PTPRN2: variants seen among roughly 807,000 people sequenced by gnomAD.
PTPRN2 encodes protein tyrosine phosphatase receptor type N2, also known as receptor-type tyrosine-protein phosphatase N2.
Under a neutral mutation model 118.8 loss-of-function variants are expected in PTPRN2, and 74 were observed. That is an observed-to-expected ratio of 0.62 (90% CI 0.52 to 0.76). The LOEUF (loss-of-function observed/expected upper bound fraction) is 0.76. Among genes scored for constraint, PTPRN2 ranks in the 30% least tolerant of loss-of-function variants. PTPRN2 has a pLI of 0.00. For missense variants in PTPRN2, 1,481 were observed against 1,394.4 expected, an observed-to-expected ratio of 1.06 and a Z score of -0.99; for synonymous variants, 641 against 608.0, an observed-to-expected ratio of 1.05 and a Z score of -0.80.
chr7:157,656,524 G>T lies in PTPRN2; in HGVS notation c.2029C>A (p.Arg677=), dbSNP rs866362678. Residue 677 remains arginine, a synonymous_variant, in exon 14 of 23, where the codon CGG becomes AGG. Transcript: ENST00000389418. ...GGGCCCTCAGGTCGGTCTGGTGGCCGCGTGGCCATACGCTGGCGGCACAGC... is the reference window on the plus strand; with the variant it reads ...GGGCCCTCAGGTCGGTCTGGTGGCCTCGTGGCCATACGCTGGCGGCACAGC... ...QELCRQRMAT[R]PPDRPEGPHT... is the part of the protein sequence containing the mutation. 1.3e-6 allele frequency: 2 copies of T among 1,548,000 alleles called. No homozygotes were observed. Among genetic ancestry groups the T allele is most frequent in the African/African-American group, 1.4e-5 (1 of 73,354 alleles).
At chr7:158,073,083 G>C (rs1054707973) in intron 11 of PTPRN2, among the ~76,000 whole-genome samples, 1 of 152,142 alleles carries the variant, frequency 6.6e-6, no homozygotes, top group African/African-American at 2.4e-5. Flanking sequence ...AGGATCTGCT[G>C]GGGAGGTAGG....
At chr7:158,241,170 T>A (rs1795882734) in intron 3 of PTPRN2, among the ~76,000 whole-genome samples, 1 of 152,210 alleles carries the variant, frequency 6.6e-6, no homozygotes, top group African/African-American at 2.4e-5. Context: ...CTTTCTCCAG[T>A]TCGGCTATAG....
intron 11 of PTPRN2, among the ~76,000 whole-genome samples, chr7:157,945,720 C>T (rs1353691643): frequency 9.3e-5 from 5 of 53,900 alleles, no homozygotes; most frequent in Non-Finnish European, 1.5e-4. Context: ...TTGGATGATG[C>T]CACCTCCAGC....
intron 12 of PTPRN2, among the ~76,000 whole-genome samples, chr7:157,700,868 C>T (rs1036759160): frequency 6.6e-6 from 1 of 152,230 alleles, no homozygotes; most frequent in African/African-American, 2.4e-5. Flanking sequence ...CCCTGGCTGG[C>T]TCAGCGGTGG....
intron 2 of PTPRN2, among the ~76,000 whole-genome samples, chr7:158,401,631 G>A (rs903076078): frequency 6.6e-6 from 1 of 152,250 alleles, no homozygotes; most frequent in Non-Finnish European, 1.5e-5. Flanking sequence ...CTCAAAAAGG[G>A]AAATGCTAGT....
intron 11 of PTPRN2, among the ~76,000 whole-genome samples, chr7:158,052,717 C>T (rs1199282607): frequency 6.6e-6 from 1 of 152,012 alleles, no homozygotes; most frequent in East Asian, 1.9e-4. Flanking sequence ...TGGAGGGGTG[C>T]CCTTTGGACC....
intron 11 of PTPRN2, among the ~76,000 whole-genome samples, chr7:157,905,395 G>A (rs1023456378): frequency 1.3e-5 from 2 of 152,198 alleles, no homozygotes; most frequent in African/African-American, 4.8e-5. Context: ...GACAGTTGGA[G>A]AAGCTGCCTT....
chr7:158,415,864 C>G (rs753334199), intron 2 of PTPRN2, among the ~76,000 whole-genome samples: 9 of 152,186 alleles, frequency 5.9e-5, no homozygotes, highest in Non-Finnish European at 1.2e-4. Context: ...TAAATTGTCT[C>G]TAAGGATTTT....
Position 157,540,390 on chromosome 7 carries a change from C to T in PTPRN2, c.*324G>A, listed in dbSNP as rs528952235. The T allele has an allele frequency of 9.6e-6, 2 of 208,444 alleles. No individual in the cohort carries two copies. Among genetic ancestry groups the T allele is most frequent in the African/African-American group, 2.3e-5 (1 of 43,010 alleles). 12.9% of individuals were successfully genotyped at this position (208,444 alleles called of 1,614,324 possible). On this transcript the variant is annotated 3_prime_UTR_variant, in exon 23 of 23. Transcript: ENST00000389418. ...AGCACACTCTTCCTGGAAACCGCCT[C>T]GAACGTGCTGGCTACTGCATTGTTA...
intron 2 of PTPRN2, among the ~76,000 whole-genome samples, chr7:158,453,111 C>G (rs574757221): frequency 4.5e-4 from 66 of 146,452 alleles, no homozygotes; most frequent in African/African-American, 1.7e-3. Flanking sequence ...GTGCAGGGGG[C>G]ACCACAGGGT....
At chr7:158,071,215 G>A (rs1160419054) in intron 11 of PTPRN2, among the ~76,000 whole-genome samples, 5 of 59,114 alleles carry the variant, frequency 8.5e-5, no homozygotes, top group Non-Finnish European at 1.8e-4. Context: ...GCTCGTGGTG[G>A]TGGAGGTGCC....
chr7:158,321,218 C>T (rs952454828), intron 2 of PTPRN2, among the ~76,000 whole-genome samples: 4 of 152,144 alleles, frequency 2.6e-5, no homozygotes, highest in Admixed American at 6.5e-5. Context: ...GCCTCTGAAA[C>T]AATCCCGGGA....
chr7:158,272,363 G>A (rs905067137), intron 3 of PTPRN2, among the ~76,000 whole-genome samples: 11 of 152,222 alleles, frequency 7.2e-5, no homozygotes, highest in Admixed American at 1.3e-4. Flanking sequence ...TTGCAGCAGA[G>A]CTTTAAAGAC....
At chr7:158,135,968 G>T (rs6459841) in intron 8 of PTPRN2, among the ~76,000 whole-genome samples, 3 of 152,002 alleles carry the variant, frequency 2.0e-5, no homozygotes, top group Non-Finnish European at 4.4e-5. Flanking sequence ...GTTCTTAAAG[G>T]GAGAGAAACT....
rs112904033 is a variant in PTPRN2, at chr7:157,848,674, G to A, written c.1788+49999C>T. Among the ~76,000 whole-genome samples the A allele has an allele frequency of 3.6e-3, 541 of 152,330 alleles. 3 individuals carry two copies. The highest frequency in any genetic ancestry group is 0.013 in the African/African-American group (527 of 41,574). ...TGGGGCCCCACCTGACAGAAATGACGGCTTCCGCGGGATCCCATGAAGGTT... is the reference window on the plus strand; with the variant it reads ...TGGGGCCCCACCTGACAGAAATGACAGCTTCCGCGGGATCCCATGAAGGTT... On this transcript the variant is annotated intron_variant, in intron 12 of 22. Coordinates refer to ENST00000389418, the MANE Select transcript of PTPRN2 (RefSeq NM_002847.5).
intron 1 of PTPRN2, among the ~76,000 whole-genome samples, chr7:158,549,451 CCTCA>C (rs1826503555): frequency 6.6e-6 from 1 of 152,254 alleles, no homozygotes; most frequent in Non-Finnish European, 1.5e-5. Flanking sequence ...AGGGATGGCG[CCTCA>C]CTGAGTCCAT....
intron 13 of PTPRN2, among the ~76,000 whole-genome samples, chr7:157,673,839 G>A (rs1796529441): frequency 6.6e-6 from 1 of 152,112 alleles, no homozygotes; most frequent in South Asian, 2.1e-4. Flanking sequence ...CGGCACCCAG[G>A]GCTCCCCTAG....
chr7:158,115,295 G>T (rs1245445893), intron 9 of PTPRN2, among the ~76,000 whole-genome samples: 1 of 152,146 alleles, frequency 6.6e-6, no homozygotes, highest in African/African-American at 2.4e-5. Context: ...AATGAGACAT[G>T]AGCTCAAGCA....
intron 12 of PTPRN2, chr7:157,862,755 G>T (rs965004006): frequency 1.3e-5 from 2 of 150,292 alleles, no homozygotes; most frequent in Admixed American, 6.6e-5. Flanking sequence ...GCCTTTAGAG[G>T]CACGGATGCC....
Sources: allele counts gnomAD v4.1 joint callset (sites outside exome capture counted in the v4.1 genomes callset), GRCh38; gene constraint gnomAD v4.1.1; transcripts MANE v1.5; gene names NCBI Gene and HGNC (gene_info 2026-07-23, HGNC 2026-07-21).